Variants in NOB1 observed in about 807,000 individuals in gnomAD.
The protein encoded by NOB1 is NIN1 (RPN12) binding protein 1 homolog, also known as RNA-binding protein NOB1.
Under a neutral mutation model 44.8 loss-of-function variants are expected in NOB1, and 44 were observed. The observed-to-expected ratio is 0.98, with a 90% CI of 0.77 to 1.26. The LOEUF (loss-of-function observed/expected upper bound fraction) is 1.26. Among genes scored for constraint, NOB1 ranks in the 50% most tolerant of loss-of-function variants. NOB1 has a pLI of 0.00. For missense variants in NOB1, 560 were observed against 544.8 expected, an observed-to-expected ratio of 1.03 and a Z score of -0.28; for synonymous variants, 238 against 218.7, an observed-to-expected ratio of 1.09 and a Z score of -0.78.
intron 8 of NOB1, among the ~76,000 whole-genome samples, chr16:69,743,510 C>G (rs139166427): frequency 1.5e-4 from 23 of 152,286 alleles, no homozygotes; most frequent in East Asian, 1.9e-4. Context: ...CCCACTGAAA[C>G]GAAGTCCTGA....
Position 69,742,393 on chromosome 16 carries a change from C to T in NOB1, c.1178G>A (p.Gly393Glu), listed in dbSNP as rs61731358. 3.3e-3 allele frequency: 5,381 copies of T among 1,614,238 alleles called. 30 individuals carry two copies. Among genetic ancestry groups the T allele is most frequent in the South Asian group, 5.9e-3 (541 of 91,090 alleles). ...ATLQVRDSTL[G>E]AGRRRLNPNA... ...GGGATTTAAGCGTCTCCGCCCAGCT[C>T]CCAAGGTGCTGTCCCGGACCTGCAG... Residue 393 changes from glycine (G) to glutamate (E), a missense_variant, in exon 9 of 9, where the codon GGA becomes GAA. Transcript: ENST00000268802.
rs769336680 is a variant in NOB1 at position 69,744,974 on chromosome 16, T to C, written c.868A>G (p.Asn290Asp). 3.7e-6 allele frequency: 6 copies of C among 1,614,000 alleles called. No individual in the cohort carries two copies. The Admixed American group carries it at 1.0e-4, about 27-fold the overall frequency. ...MSRVFCSHCG[N>D]KTLKKVSVTV... is the part of the protein sequence containing the mutation. ...ACGGACACTTTCTTCAGGGTCTTGT[T>C]CCCACAGTGTGAGCAGAACACTCGG... is the stretch of plus-strand genomic sequence containing the variant. Residue 290 changes from asparagine to aspartate, a missense_variant, in exon 8 of 9, where the codon AAC becomes GAC. Transcript: ENST00000268802.
In NOB1 at chr16:69,750,269, C is replaced by T. The variant is rs563010134; in HGVS notation, c.328-639G>A. ...ATCTGCCCATCTCAGCCTCCCAAAG[C>T]GCTGGGATTACACACAGGAGCCACC... On this transcript the variant is annotated intron_variant, in intron 3 of 8. Coordinates refer to ENST00000268802, the MANE Select transcript of NOB1 (RefSeq NM_014062.3). Among the ~76,000 whole-genome samples, 50 of 151,886 alleles carry T rather than the reference C, an allele frequency of 3.3e-4. 1 individual carries two copies. Among genetic ancestry groups the T allele is most frequent in the African/African-American group, 1.2e-3 (49 of 41,436 alleles).
intron 2 of NOB1, among the ~76,000 whole-genome samples, chr16:69,752,749 C>T (rs1053522690): frequency 1.3e-5 from 2 of 152,006 alleles, no homozygotes; most frequent in Non-Finnish European, 2.9e-5. Flanking sequence ...GCCTGGCCAA[C>T]GTGGTGAAAC....
intron 2 of NOB1, among the ~76,000 whole-genome samples, chr16:69,753,337 T>G (rs1427374172): frequency 1.3e-5 from 2 of 152,238 alleles, no homozygotes; most frequent in Non-Finnish European, 2.9e-5. Flanking sequence ...GCATAATACA[T>G]GTCAGACTGC....
chr16:69,742,026 G>T lies in NOB1; in HGVS notation c.*306C>A. 1 of 304,348 alleles carries T rather than the reference G, an allele frequency of 3.3e-6. No individual in the cohort carries two copies. Among genetic ancestry groups the T allele is most frequent in the Admixed American group, 4.7e-5 (1 of 21,312 alleles). 18.9% of individuals were successfully genotyped at this position (304,348 alleles called of 1,614,324 possible). ...ATTAAATGCACAGGAGGTTGCAGCC[G>T]CATTTATTAGAAAAATATTATCCTT... On this transcript the variant is annotated 3_prime_UTR_variant, in exon 9 of 9. Coordinates refer to ENST00000268802, the MANE Select transcript of NOB1 (RefSeq NM_014062.3).
At chr16:69,743,990 G>A (rs370764497) in intron 8 of NOB1, among the ~76,000 whole-genome samples, 2 of 152,220 alleles carry the variant, frequency 1.3e-5, no homozygotes, top group East Asian at 1.9e-4. Context: ...GAAAGCAGAC[G>A]TGGTACATGA....
chr16:69,752,580 C>T (rs989139906), intron 2 of NOB1, among the ~76,000 whole-genome samples: 1 of 152,174 alleles, frequency 6.6e-6, no homozygotes, highest in Non-Finnish European at 1.5e-5. Context: ...TTGTATTCTC[C>T]ACCACCAAGA....
rs542727169 is a variant in NOB1 at position 69,749,369 on chromosome 16, G to A, written c.400-31C>T. 18 of 1,579,638 alleles carry A rather than the reference G, an allele frequency of 1.1e-5. No homozygotes were observed. The South Asian group carries it at 2.0e-4, about 17-fold the overall frequency. ...ATTAAAAGAAACAATTTTAAAACCT[G>A]AAAATTCATCTGTAGCCACCTCTCA... On this transcript the variant is annotated intron_variant, in intron 4 of 8. Transcript: ENST00000268802.
chr16:69,742,222 G>T lies in NOB1; in HGVS notation c.*110C>A. On this transcript the variant is annotated 3_prime_UTR_variant, in exon 9 of 9. Coordinates refer to ENST00000268802, the MANE Select transcript of NOB1 (RefSeq NM_014062.3). ...CGGACAGAGCCGCACCGTGAAGCCC[G>T]CCTGTTATTTCCATCGGGTGGTCCT... The T allele has an allele frequency of 2.1e-6, 3 of 1,395,996 alleles. No homozygotes were observed. Among genetic ancestry groups the T allele is most frequent in the African/African-American group, 1.4e-5 (1 of 70,136 alleles). The allele number at this position is 1,395,996 out of a possible 1,614,324, so 86.5% of individuals were successfully genotyped here.
intron 2 of NOB1, among the ~76,000 whole-genome samples, 157 bp downstream of exon 2, chr16:69,754,437 G>C (rs953320689): frequency 6.6e-6 from 1 of 152,154 alleles, no homozygotes; most frequent in Non-Finnish European, 1.5e-5. Flanking sequence ...GAGGACTCCA[G>C]ACCCAGGAAG....
chr16:69,752,662 A>T (rs1051299003), intron 2 of NOB1, among the ~76,000 whole-genome samples: 2 of 152,170 alleles, frequency 1.3e-5, no homozygotes, highest in African/African-American at 4.8e-5. Flanking sequence ...GGCTGGGGCC[A>T]GGCGTGGTGG....
In NOB1 at chr16:69,749,606, G is replaced by A; in HGVS notation, c.352C>T (p.His118Tyr). 2 of 1,613,262 alleles carry A rather than the reference G, an allele frequency of 1.2e-6. No homozygotes were observed. The highest frequency in any genetic ancestry group is 1.7e-6 in the Non-Finnish European group (2 of 1,179,700). Residue 118 changes from histidine to tyrosine, a missense_variant, in exon 4 of 9, where the codon CAC (histidine) becomes TAC (tyrosine). Transcript: ENST00000268802. ...QKVKVSSSIQ[H>Y]PETPLHISGF... Reference sequence around the variant, plus strand: ...GAAATGTGCAGAGGTGTTTCTGGGTGCTGAATCGATGAGCTCACCTTAACC... The same window carrying A: ...GAAATGTGCAGAGGTGTTTCTGGGTACTGAATCGATGAGCTCACCTTAACC...
intron 8 of NOB1, among the ~76,000 whole-genome samples, chr16:69,744,558 C>T (rs142860729): frequency 7.2e-5 from 11 of 152,308 alleles, no homozygotes; most frequent in African/African-American, 1.9e-4. Context: ...TTTCCACACC[C>T]GTTCCTCTCT....
At chr16:69,751,750 G>A (rs551838661) in intron 3 of NOB1, among the ~76,000 whole-genome samples, 5 of 152,260 alleles carry the variant, frequency 3.3e-5, no homozygotes, top group Admixed American at 1.3e-4. Flanking sequence ...AATAGTATAC[G>A]ATGTCTGAGT....
At chr16:69,751,490 G>A (rs1219091165) in intron 3 of NOB1, among the ~76,000 whole-genome samples, 1 of 151,570 alleles carries the variant, frequency 6.6e-6, no homozygotes, top group Non-Finnish European at 1.5e-5. Flanking sequence ...AACACAGCTA[G>A]ACCCTGGATG....
At chr16:69,749,799 G>A (rs1057495037) in intron 3 of NOB1, among the ~76,000 whole-genome samples, 169 bp from the exon 4 acceptor site, 1 of 151,392 alleles carries the variant, frequency 6.6e-6, no homozygotes, top group East Asian at 2.0e-4. Flanking sequence ...CCAACGTGGC[G>A]AAACCCTGTC....
At position 69,742,100 on chromosome 16, in the gene NOB1, T is replaced by C. The variant is rs1448809451; in HGVS notation, c.*232A>G. On this transcript the variant is annotated 3_prime_UTR_variant, in exon 9 of 9. Transcript: ENST00000268802. ...GGCTCCAGGGCGTTGTTCTTTCTGT[T>C]TTTATGCAATTGCACTTCCTTGGCA... is the stretch of plus-strand genomic sequence containing the variant. 10 of 495,494 alleles carry C rather than the reference T, an allele frequency of 2.0e-5. No homozygotes were observed. In the Admixed American group the frequency reaches 3.4e-4, roughly 17 times the overall value. The allele number at this position is 495,494 out of a possible 1,614,324, so 30.7% of individuals were successfully genotyped here.
At chr16:69,752,850 G>T (rs963647021) in intron 2 of NOB1, among the ~76,000 whole-genome samples, 4 of 152,132 alleles carry the variant, frequency 2.6e-5, no homozygotes, top group Admixed American at 1.3e-4. Context: ...CAGGAGAATT[G>T]TTTGAACCTG....
Sources: allele counts gnomAD v4.1 joint callset (sites outside exome capture counted in the v4.1 genomes callset), GRCh38; gene constraint gnomAD v4.1.1; transcripts MANE v1.5; gene names NCBI Gene and HGNC (gene_info 2026-07-23, HGNC 2026-07-21).